The following EXOC6B variants were observed in gnomAD, a reference collection of about 807,000 sequenced individuals.
EXOC6B encodes the protein SEC15 homolog B.
EXOC6B carries 54 observed loss-of-function variants against 113.5 expected under a neutral mutation model. The observed-to-expected ratio is 0.48, with a 90% CI of 0.38 to 0.60. The LOEUF (loss-of-function observed/expected upper bound fraction) is 0.60, where lower values mean the gene tolerates loss of function less well. Among genes scored for constraint, EXOC6B ranks in the 20% least tolerant of loss-of-function variants. EXOC6B has a pLI of 0.00. For synonymous variants in EXOC6B, 357 were observed against 339.0 expected, an observed-to-expected ratio of 1.05 and a Z score of -0.58; for missense variants, 797 against 977.5, an observed-to-expected ratio of 0.82 and a Z score of 2.46.
At chr2:72,643,816 A>T (rs996451423) in intron 6 of EXOC6B, among the ~76,000 whole-genome samples, 1 of 139,234 alleles carries the variant, frequency 7.2e-6, no homozygotes, top group Non-Finnish European at 1.5e-5. Context: ...TTAAAAAATA[A>T]ATAAATAAAT....
chr2:72,787,804 T>G lies in EXOC6B; in HGVS notation c.113+37994A>C, dbSNP rs144234691. 5.6e-3 allele frequency among the ~76,000 whole-genome samples: 859 copies of G among 152,192 alleles called. 7 individuals are homozygous for G. The highest frequency in any genetic ancestry group is 0.02 in the African/African-American group (815 of 41,518). On this transcript the variant is annotated intron_variant, in intron 1 of 21. Transcript: ENST00000272427. ...ACCATGCCCAGCTAATTTTTTTGTGTATATTTTTTTTCTTGTAGAGATGGG... is the reference window on the plus strand; with the variant it reads ...ACCATGCCCAGCTAATTTTTTTGTGGATATTTTTTTTCTTGTAGAGATGGG...
intron 8 of EXOC6B, among the ~76,000 whole-genome samples, chr2:72,516,307 GCA>G (rs953799622): frequency 1.1e-4 from 17 of 152,102 alleles, no homozygotes; most frequent in African/African-American, 4.1e-4. Context: ...GAGTGCAGTG[GCA>G]CAGTCTCGGC....
chr2:72,823,763 A>T (rs907380489), intron 1 of EXOC6B, among the ~76,000 whole-genome samples: 6 of 152,068 alleles, frequency 3.9e-5, no homozygotes, highest in Admixed American at 2.0e-4. Context: ...CCTGAGCAAC[A>T]GAGTGAGACC....
chr2:72,544,128 A>T (rs1170193735), intron 8 of EXOC6B, among the ~76,000 whole-genome samples: 1 of 152,244 alleles, frequency 6.6e-6, no homozygotes, highest in Non-Finnish European at 1.5e-5. Flanking sequence ...AAGTCCATTT[A>T]AAATGAAAAT....
intron 11 of EXOC6B, among the ~76,000 whole-genome samples, chr2:72,512,425 AAAGAAG>A (rs1700986136): frequency 2.1e-5 from 3 of 139,912 alleles, no homozygotes; most frequent in African/African-American, 2.7e-5. Context: ...GGAAGGAAGG[AAAGAAG>A]GAAGGAAGGA....
At chr2:72,652,244 C>A (rs1455125889) in intron 6 of EXOC6B, among the ~76,000 whole-genome samples, 1 of 150,790 alleles carries the variant, frequency 6.6e-6, no homozygotes, top group East Asian at 1.9e-4. Context: ...GCAGGAACGT[C>A]AACCTTTGAA....
At chr2:72,223,775 TGGAC>T (rs1681026875) in intron 20 of EXOC6B, among the ~76,000 whole-genome samples, 1 of 152,180 alleles carries the variant, frequency 6.6e-6, no homozygotes, top group Non-Finnish European at 1.5e-5. Context: ...AACACTCAGA[TGGAC>T]TGGGGCATAA....
intron 6 of EXOC6B, among the ~76,000 whole-genome samples, chr2:72,579,237 A>G (rs928689473): frequency 1.3e-5 from 2 of 152,172 alleles, no homozygotes; most frequent in African/African-American, 4.8e-5. Flanking sequence ...GGGCCATTCC[A>G]AGCAATAGGA....
chr2:72,636,927 C>T (rs1322649150), intron 6 of EXOC6B, among the ~76,000 whole-genome samples: 1 of 140,682 alleles, frequency 7.1e-6, no homozygotes, highest in Non-Finnish European at 1.6e-5. Flanking sequence ...AAGCAATCTA[C>T]AAAAAAAAAA....
At chr2:72,662,175 A>G (rs1675070901) in intron 6 of EXOC6B, among the ~76,000 whole-genome samples, 1 of 152,130 alleles carries the variant, frequency 6.6e-6, no homozygotes, top group Non-Finnish European at 1.5e-5. Context: ...ACCTTGAACT[A>G]AATCTTACAC....
chr2:72,551,468 T>A (rs1703217322), intron 8 of EXOC6B, among the ~76,000 whole-genome samples: 1 of 151,316 alleles, frequency 6.6e-6, no homozygotes, highest in Admixed American at 6.6e-5. Flanking sequence ...AGTGCTAGGA[T>A]TACAGGCGTG....
chr2:72,222,414 G>A (rs780508161), intron 20 of EXOC6B, among the ~76,000 whole-genome samples: 9 of 152,124 alleles, frequency 5.9e-5, no homozygotes, highest in Non-Finnish European at 1.0e-4. Context: ...ATTTTTATAG[G>A]CAGAGCCAAA....
intron 18 of EXOC6B, among the ~76,000 whole-genome samples, chr2:72,427,715 C>A (rs949046022): frequency 6.6e-6 from 1 of 152,118 alleles, no homozygotes; most frequent in African/African-American, 2.4e-5. Context: ...CAGACGGGCA[C>A]CCTGGTGGAA....
chr2:72,399,722 AC>A (rs1693013401), intron 18 of EXOC6B, among the ~76,000 whole-genome samples: 1 of 152,182 alleles, frequency 6.6e-6, no homozygotes, highest in African/African-American at 2.4e-5. Flanking sequence ...ACCCAGAAAT[AC>A]ATTTAACCCA....
intron 19 of EXOC6B, among the ~76,000 whole-genome samples, chr2:72,336,534 T>C (rs531821340): frequency 8.6e-5 from 12 of 139,876 alleles, no homozygotes; most frequent in Admixed American, 2.2e-4. Flanking sequence ...ATTAACAATA[T>C]ACACAATTCT....
At chr2:72,327,283 G>A (rs1688179522) in intron 20 of EXOC6B, among the ~76,000 whole-genome samples, 1 of 151,912 alleles carries the variant, frequency 6.6e-6, no homozygotes, top group East Asian at 1.9e-4. Flanking sequence ...AAACCACAGT[G>A]GAGTTCATCA....
chr2:72,806,990 A>C (rs769561522), intron 1 of EXOC6B, among the ~76,000 whole-genome samples: 4 of 152,086 alleles, frequency 2.6e-5, no homozygotes, highest in Non-Finnish European at 5.9e-5. Flanking sequence ...TTCTCATTTG[A>C]TAGTTTCTTT....
chr2:72,688,793 G>A (rs1427221133), intron 6 of EXOC6B, among the ~76,000 whole-genome samples: 1 of 152,146 alleles, frequency 6.6e-6, no homozygotes, highest in African/African-American at 2.4e-5. Context: ...GTTCACTCTT[G>A]AATTCTTCCT....
intron 19 of EXOC6B, among the ~76,000 whole-genome samples, chr2:72,367,148 C>A (rs891469781): frequency 6.6e-6 from 1 of 151,790 alleles, no homozygotes; most frequent in Non-Finnish European, 1.5e-5. Context: ...ATAGCACAAA[C>A]AAAGGACAAA....
Sources: gnomAD v4.1 joint callset for allele counts (sites outside exome capture counted in the v4.1 genomes callset) on GRCh38, gnomAD v4.1.1 for gene constraint, MANE v1.5 for transcripts, NCBI Gene and HGNC (gene_info 2026-07-23, HGNC 2026-07-21) for gene names.